Variants in HDAC6 observed in about 807,000 individuals in gnomAD.
HDAC6 encodes histone deacetylase 6.
Under a neutral mutation model 88.9 loss-of-function variants are expected in HDAC6, and 5 were observed. The ratio of observed to expected loss-of-function variants is 0.06; its 90% CI spans 0.03 to 0.12. HDAC6 has a LOEUF of 0.12. HDAC6 is among the 10% of genes least tolerant of loss of function. HDAC6 has a pLI of 1.00. For synonymous variants in HDAC6, 378 were observed against 398.0 expected, an observed-to-expected ratio of 0.95 and a Z score of 0.60; for missense variants, 706 against 1,014.4, an observed-to-expected ratio of 0.70 and a Z score of 4.13.
chrX:48,809,714 A>G (rs2062870369), intron 10 of HDAC6, among the ~76,000 whole-genome samples: 1 of 110,345 alleles, frequency 9.1e-6, no homozygotes, highest in African/African-American at 3.3e-5. Context: ...AGGCAGGAGA[A>G]TCACTTGAAC....
chrX:48,824,509 C>G, intron 28 of HDAC6, 35 bp from the exon 29 acceptor site: 3 of 1,168,871 alleles, frequency 2.6e-6, no homozygotes, highest in Non-Finnish European at 3.5e-6. Flanking sequence ...GGTCCTCACT[C>G]TCTCTCACCT....
intron 23 of HDAC6, among the ~76,000 whole-genome samples, 194 bp downstream of exon 23, chrX:48,820,449 C>G (rs1436320749): frequency 5.3e-5 from 6 of 112,482 alleles, no homozygotes; most frequent in Non-Finnish European, 1.1e-4. Flanking sequence ...GAGCACTCTT[C>G]TGAGCACCTC....
chrX:48,806,268 T>G, intron 6 of HDAC6, 100 bp from the exon 7 acceptor site: 1 of 531,666 alleles, frequency 1.9e-6, no homozygotes. Context: ...AGGTTGACAG[T>G]TGGGGGAGCC....
chrX:48,815,182 C>T, intron 14 of HDAC6, 131 bp downstream of exon 14: 1 of 596,966 alleles, frequency 1.7e-6, no homozygotes, highest in Non-Finnish European at 2.7e-6. Context: ...AGTCACTTCA[C>T]TTCTTTGTGC....
At chrX:48,810,860 T>C (rs1182349955) in intron 10 of HDAC6, 5 of 111,344 alleles carry the variant, frequency 4.5e-5, no homozygotes, top group African/African-American at 1.3e-4. Context: ...CTCTTTTTTC[T>C]TTTGCTGTGA....
chrX:48,814,315 T>G, intron 10 of HDAC6, 125 bp from the exon 11 acceptor site: 41 of 634,794 alleles, frequency 6.5e-5, no homozygotes, highest in Non-Finnish European at 9.2e-5. Flanking sequence ...AATTAATGAA[T>G]GAGAGAATGA....
intron 23 of HDAC6, among the ~76,000 whole-genome samples, chrX:48,821,743 G>C (rs782201563): frequency 9.0e-6 from 1 of 110,807 alleles, no homozygotes; most frequent in East Asian, 2.8e-4. Flanking sequence ...CCTGACCTCA[G>C]GTAACCTTCC....
Position 48,816,643 on chromosome X carries a change from C to T in HDAC6, c.1791+10C>T. On this transcript the variant is annotated intron_variant, in intron 19 of 28. Transcript: ENST00000334136. ...TGTGCTCTCAGGAGAGGTGTGTCCT[C>T]TGTGGGCTGGGGAGAGGAGGACCTG... is the stretch of plus-strand genomic sequence containing the variant. The T allele has an allele frequency of 1.7e-6, 2 of 1,199,276 alleles. No homozygotes were observed.
At chrX:48,816,096 C>G in intron 17 of HDAC6, 44 bp downstream of exon 17, 1 of 1,209,305 alleles carries the variant, frequency 8.3e-7, no homozygotes, top group Non-Finnish European at 1.1e-6. Context: ...GGGGGTCCCT[C>G]CCCCTCAGGC....
Position 48,824,022 on chromosome X carries a change from A to G in HDAC6, c.3404A>G (p.Asp1135Gly). Residue 1135 changes from aspartate (D) to glycine (G), a missense_variant, in exon 27 of 29, where the codon GAC (aspartate) becomes GGC (glycine). Physicochemically the swap from Asp to Gly is moderately conservative, Grantham distance 94. Around this residue, in one of 9 missense-constraint regions of HDAC6, gnomAD observed 112 missense variants for 95.1 expected, o/e 1.18. Coordinates refer to ENST00000334136, the MANE Select transcript of HDAC6 (RefSeq NM_006044.4). The part of the protein sequence containing the change: ...AGLDVTQPCG[D>G]CGTIQENWVC... ...CTAGACGTGACCCAACCTTGTGGGG[A>G]CTGTGGAACAATCCAAGAGAATTGG... is the stretch of plus-strand genomic sequence containing the variant. The G allele has an allele frequency of 1.7e-6, 2 of 1,211,090 alleles. No individual in the cohort carries two copies. Among genetic ancestry groups the G allele is most frequent in the Non-Finnish European group, 2.2e-6 (2 of 895,216 alleles).
At chrX:48,816,076 A>G (rs782406744) in intron 17 of HDAC6, 24 bp downstream of exon 17, 1 of 1,210,232 alleles carries the variant, frequency 8.3e-7, no homozygotes, top group South Asian at 1.8e-5. Flanking sequence ...GGGCTGGATG[A>G]GTAGGTGTTG....
In HDAC6 at chrX:48,808,334, C is replaced by G; in HGVS notation, c.806+8C>G. ...CTTCGACCAGGACCCCAGGTATACC[C>G]CGACTCCCACCTAGGTGCTAGACTC... is the stretch of plus-strand genomic sequence containing the variant. On this transcript the variant is annotated splice_region_variant and intron_variant, in intron 10 of 28. Coordinates refer to ENST00000334136, the MANE Select transcript of HDAC6 (RefSeq NM_006044.4). 1 of 1,174,593 alleles carries G rather than the reference C, an allele frequency of 8.5e-7. No individual in the cohort carries two copies. Among genetic ancestry groups the G allele is most frequent in the Non-Finnish European group, 1.2e-6 (1 of 866,116 alleles).
intron 15 of HDAC6, 42 bp from the exon 16 acceptor site, chrX:48,815,533 C>T (rs1180817452): frequency 1.0e-5 from 12 of 1,200,667 alleles, no homozygotes; most frequent in African/African-American, 5.2e-5. Flanking sequence ...CCTCACTGCC[C>T]GCCCACATTC....
chrX:48,809,323 AC>A (rs1166686209), intron 10 of HDAC6, among the ~76,000 whole-genome samples: 1 of 111,834 alleles, frequency 8.9e-6, no homozygotes, highest in Non-Finnish European at 1.9e-5. Context: ...AGGAGACATT[AC>A]TAAGTACATG....
rs142276149 is a variant in HDAC6, at chrX:48,822,669, G to A, written c.2387G>A (p.Arg796His). ...TCAGAGTCCATGGCTGCCTGCACTC[G>A]CTCCCTCCTTGGAGACCCACCACCC... ...SISESMAACT[R>H]SLLGDPPPLL... is the part of the protein sequence containing the mutation. The change falls in exon 24 of 29, where the codon CGC becomes CAC. Residue 796 changes from arginine to histidine, a missense_variant. Around this residue, in one of 9 missense-constraint regions of HDAC6, gnomAD observed 138 missense variants for 303.5 expected, o/e 0.45. Coordinates refer to ENST00000334136, the MANE Select transcript of HDAC6 (RefSeq NM_006044.4). 4.1e-5 allele frequency: 49 copies of A among 1,207,140 alleles called. No individual in the cohort carries two copies. The highest frequency in any genetic ancestry group is 2.3e-4 in the South Asian group (13 of 56,445).
At position 48,822,702 on chromosome X, in the gene HDAC6, C is replaced by T; in HGVS notation, c.2420C>T (p.Thr807Ile). 2 of 1,210,336 alleles carry T rather than the reference C, an allele frequency of 1.7e-6. No homozygotes were observed. The highest frequency in any genetic ancestry group is 2.2e-6 in the Non-Finnish European group (2 of 894,199). Residue 807 changes from threonine (T) to isoleucine (I), a missense_variant, in exon 24 of 29, where the codon ACC becomes ATC. Thr to Ile is a moderately conservative substitution (Grantham distance 89). This residue lies in a region of HDAC6 where 138 missense variants were observed against 303.5 expected (regional missense o/e 0.45). Transcript: ENST00000334136. ...CTTGGAGACCCACCACCCCTGCTGA[C>T]CCTGCCACGGCCCCCACTATCAGGG... ...SLLGDPPPLL[T>I]LPRPPLSGAL...
At chrX:48,816,099 C>G in intron 17 of HDAC6, 42 bp from the exon 18 acceptor site, 9 of 1,209,956 alleles carry the variant, frequency 7.4e-6, no homozygotes, top group African/African-American at 3.5e-5. Context: ...GGTCCCTCCC[C>G]CTCAGGCACT....
intron 22 of HDAC6, among the ~76,000 whole-genome samples, chrX:48,818,742 T>C (rs1557028664): frequency 1.8e-5 from 2 of 112,135 alleles, no homozygotes; most frequent in African/African-American, 6.5e-5. Flanking sequence ...AGTGCTTGAG[T>C]ATGTGCGTGT....
intron 18 of HDAC6, 40 bp from the exon 19 acceptor site, chrX:48,816,425 C>T (rs1333561091): frequency 3.4e-6 from 4 of 1,160,630 alleles, no homozygotes; most frequent in East Asian, 3.1e-5. Flanking sequence ...GGGACAGACC[C>T]TCCTCACTGT....
Sources: allele counts gnomAD v4.1 joint callset (sites outside exome capture counted in the v4.1 genomes callset), GRCh38; gene constraint gnomAD v4.1.1; regional missense constraint gnomAD v4.1.1; transcripts MANE v1.5; gene names NCBI Gene and HGNC (gene_info 2026-07-23, HGNC 2026-07-21).